The following EYA2 variants were observed in gnomAD, a reference collection of about 807,000 sequenced individuals.
EYA2 encodes the protein EYA transcriptional coactivator and phosphatase 2.
EYA2 carries 31 observed loss-of-function variants against 69.2 expected under a neutral mutation model. The observed-to-expected ratio is 0.45, with a 90% CI of 0.34 to 0.60. The LOEUF (loss-of-function observed/expected upper bound fraction) is 0.60, where lower values mean the gene tolerates loss of function less well. Among genes scored for constraint, EYA2 ranks in the 20% least tolerant of loss-of-function variants. The pLI is 0.02. For missense variants in EYA2, 622 were observed against 701.2 expected (o/e 0.89, Z 1.28); for synonymous variants, 257 against 279.4 (o/e 0.92, Z 0.80).
intron 9 of EYA2, among the ~76,000 whole-genome samples, chr20:47,116,583 A>G (rs1048997766): frequency 2.0e-5 from 3 of 152,098 alleles, no homozygotes; most frequent in Non-Finnish European, 4.4e-5. Context: ...GGGTGTGACG[A>G]TGTCCCTCTG....
intron 1 of EYA2, among the ~76,000 whole-genome samples, chr20:46,925,477 G>T (rs532764679): frequency 6.6e-6 from 1 of 152,292 alleles, no homozygotes; most frequent in East Asian, 1.9e-4. Flanking sequence ...AGAGTTCCTA[G>T]AAATTGATCA....
At chr20:46,954,382 G>A (rs1600577170) in intron 1 of EYA2, among the ~76,000 whole-genome samples, 1 of 152,152 alleles carries the variant, frequency 6.6e-6, no homozygotes, top group Non-Finnish European at 1.5e-5. Context: ...AGGAAGGGGG[G>A]CAAATAAGAA....
chr20:47,015,843 G>C (rs1300132072), intron 4 of EYA2, among the ~76,000 whole-genome samples: 1 of 152,228 alleles, frequency 6.6e-6, no homozygotes, highest in Non-Finnish European at 1.5e-5. Context: ...GGAAACACCT[G>C]AATTGGGAGC....
intron 1 of EYA2, among the ~76,000 whole-genome samples, chr20:46,986,319 A>G (rs1568704969): frequency 6.8e-6 from 1 of 146,832 alleles, no homozygotes; most frequent in East Asian, 1.9e-4. Flanking sequence ...TATATTATAT[A>G]TAATATCTCT....
chr20:47,125,217 C>T (rs2033155911), intron 9 of EYA2, among the ~76,000 whole-genome samples: 1 of 151,944 alleles, frequency 6.6e-6, no homozygotes. Context: ...CTATGCCCGG[C>T]TAATTTTTTT....
intron 1 of EYA2, among the ~76,000 whole-genome samples, chr20:46,950,024 T>C (rs948104968): frequency 6.6e-6 from 1 of 152,208 alleles, no homozygotes; most frequent in Non-Finnish European, 1.5e-5. Flanking sequence ...GCATTCTGGT[T>C]CCATAGCCTG....
chr20:47,029,399 TTA>T (rs1984275490), intron 5 of EYA2, among the ~76,000 whole-genome samples: 2 of 152,230 alleles, frequency 1.3e-5, no homozygotes, highest in African/African-American at 4.8e-5. Flanking sequence ...GCCATGGCTT[TTA>T]TCCATATTTT....
At chr20:46,992,078 C>T (rs1055853481) in intron 2 of EYA2, among the ~76,000 whole-genome samples, 4 of 151,228 alleles carry the variant, frequency 2.6e-5, no homozygotes, top group African/African-American at 7.3e-5. Flanking sequence ...GATGAATCCC[C>T]GCCTCTCCCT....
chr20:46,932,917 C>G (rs1395992441), intron 1 of EYA2, among the ~76,000 whole-genome samples: 1 of 152,034 alleles, frequency 6.6e-6, no homozygotes, highest in Non-Finnish European at 1.5e-5. Flanking sequence ...GTTTGGCAGT[C>G]TCCCTCACCA....
At chr20:46,997,792 TG>T (rs1435710487) in intron 2 of EYA2, 2 of 152,400 alleles carry the variant, frequency 1.3e-5, no homozygotes, top group East Asian at 1.9e-4. Context: ...CTATGATCAG[TG>T]GGAAGTCCAC....
intron 5 of EYA2, among the ~76,000 whole-genome samples, chr20:47,068,038 A>G (rs1446486396): frequency 1.3e-5 from 2 of 152,230 alleles, no homozygotes; most frequent in East Asian, 1.9e-4. Context: ...TTTGATTAAT[A>G]AATGAATGAA....
At chr20:47,101,605 T>C (rs920598313) in intron 9 of EYA2, among the ~76,000 whole-genome samples, 1 of 152,232 alleles carries the variant, frequency 6.6e-6, no homozygotes, top group African/African-American at 2.4e-5. Context: ...TAGCAATTTC[T>C]AGCCCAAAGT....
At chr20:46,946,580 A>T (rs1291232502) in intron 1 of EYA2, among the ~76,000 whole-genome samples, 1 of 152,238 alleles carries the variant, frequency 6.6e-6, no homozygotes, top group Non-Finnish European at 1.5e-5. Flanking sequence ...CATATAGGCC[A>T]GCGGTCAGCA....
chr20:47,056,763 G>T (rs904974310), intron 5 of EYA2, among the ~76,000 whole-genome samples: 2 of 152,122 alleles, frequency 1.3e-5, no homozygotes, highest in African/African-American at 4.8e-5. Context: ...GAAATCTCAG[G>T]ACTGGGCATG....
At chr20:47,037,299 A>G (rs933511593) in intron 5 of EYA2, among the ~76,000 whole-genome samples, 5 of 152,210 alleles carry the variant, frequency 3.3e-5, no homozygotes, top group African/African-American at 4.8e-5. Flanking sequence ...CACAAAGCCT[A>G]ACCATATCAG....
At chr20:47,078,674 T>G (rs1266374495) in intron 7 of EYA2, among the ~76,000 whole-genome samples, 1 of 152,254 alleles carries the variant, frequency 6.6e-6, no homozygotes, top group Non-Finnish European at 1.5e-5. Context: ...TCATGTTACT[T>G]AAGAGAAAAA....
At chr20:46,916,545 T>TG (rs1285020276) in intron 1 of EYA2, among the ~76,000 whole-genome samples, 1 of 152,160 alleles carries the variant, frequency 6.6e-6, no homozygotes, top group Non-Finnish European at 1.5e-5. Context: ...CCAAGTAGAA[T>TG]TGGACAAAAG....
intron 1 of EYA2, among the ~76,000 whole-genome samples, chr20:46,919,779 A>G (rs1985096306): frequency 6.6e-6 from 1 of 152,240 alleles, no homozygotes; most frequent in Non-Finnish European, 1.5e-5. Context: ...CAAGAGGCCT[A>G]GCTTTCATCC....
chr20:46,953,051 G>A (rs925274112), intron 1 of EYA2, among the ~76,000 whole-genome samples: 3 of 152,264 alleles, frequency 2.0e-5, no homozygotes, highest in Admixed American at 1.3e-4. Flanking sequence ...ATTTGAAGTC[G>A]TGGAAATCTA....
Sources: allele counts gnomAD v4.1 joint callset (sites outside exome capture counted in the v4.1 genomes callset), GRCh38; gene constraint gnomAD v4.1.1; transcripts MANE v1.5; gene names NCBI Gene and HGNC (gene_info 2026-07-23, HGNC 2026-07-21).